Variants in ZNF799 observed in about 807,000 individuals in gnomAD.
ZNF799 encodes zinc finger protein 14.
Under a neutral mutation model 41.0 loss-of-function variants are expected in ZNF799, and 28 were observed. The observed-to-expected ratio is 0.68, with a 90% confidence interval of 0.51 to 0.94. ZNF799 has a LOEUF of 0.94. ZNF799 is among the 40% of genes least tolerant of loss of function. ZNF799 has a pLI of 0.00. For missense variants in ZNF799, 716 were observed against 764.3 expected (o/e 0.94, Z 0.74); for synonymous variants, 213 against 252.9 (o/e 0.84, Z 1.50).
chr19:12,396,740 A>C (rs1362484806), intron 1 of ZNF799, among the ~76,000 whole-genome samples: 2 of 124,582 alleles, frequency 1.6e-5, no homozygotes, highest in Admixed American at 8.2e-5. Context: ...TGTTCAAAAG[A>C]TGTGAGCAGC....
At chr19:12,397,821 GA>G (rs1285612351) in intron 1 of ZNF799, among the ~76,000 whole-genome samples, 1 of 151,582 alleles carries the variant, frequency 6.6e-6, no homozygotes, top group African/African-American at 2.4e-5. Context: ...TGACACAGTA[GA>G]AAAAAAACAA....
upstream of ZNF799, among the ~76,000 whole-genome samples, chr19:12,406,168 CAAAAAAAAAA>C (rs940819306): frequency 3.4e-5 from 2 of 58,988 alleles, no homozygotes; most frequent in Non-Finnish European, 7.5e-5. Context: ...GACTCTGTCT[CAAAAAAAAAA>C]AAAAAAAGAA....
chr19:12,390,749 T>C lies in ZNF799; in HGVS notation c.1649A>G (p.His550Arg). The C allele has an allele frequency of 6.2e-7, 1 of 1,614,120 alleles. No homozygotes were observed. The highest frequency in any genetic ancestry group is 8.5e-7 in the Non-Finnish European group (1 of 1,179,978). The change falls in exon 4 of 4, where the codon CAT becomes CGT. Residue 550 changes from histidine (H) to arginine (R), a missense_variant. Coordinates refer to ENST00000430385, the MANE Select transcript of ZNF799 (RefSeq NM_001080821.3). ...AFSWLTCFLR[H>R]ERIHMREKPY... ...TTTCTCTCTCATGTGAATTCTTTCA[T>C]GTCGTAGAAAGCAAGTGAGCCAAGA...
At chr19:12,410,632 CA>C in the ZNF799 span, among the ~76,000 whole-genome samples, 1 of 151,798 alleles carries the variant, frequency 6.6e-6, no homozygotes, top group Non-Finnish European at 1.5e-5. Context: ...AATGAAATTG[CA>C]AACAAGATAT....
At position 12,390,389 on chromosome 19, in the gene ZNF799, A is replaced by G. The variant is rs1464872483; in HGVS notation, c.*77T>C. On this transcript the variant is annotated 3_prime_UTR_variant, in exon 4 of 4. Coordinates refer to ENST00000430385, the MANE Select transcript of ZNF799 (RefSeq NM_001080821.3). The stretch of plus-strand genomic sequence containing the variant: ...CTTACATTCACAGGGTCTATCTCCA[A>G]TGTGTTTCGTACAAGTATCTGAAAT... The G allele has an allele frequency of 5.6e-6, 9 of 1,600,186 alleles. No individual in the cohort carries two copies. Among genetic ancestry groups the G allele is most frequent in the Middle Eastern group, 1.7e-4 (1 of 5,972 alleles).
At chr19:12,413,724 CT>C in the ZNF799 span, among the ~76,000 whole-genome samples, 1 of 152,194 alleles carries the variant, frequency 6.6e-6, no homozygotes, top group African/African-American at 2.4e-5. Context: ...AAGTTACCCC[CT>C]GGGGAAGGCT....
chr19:12,392,627 T>C lies in ZNF799; in HGVS notation c.167A>G (p.Tyr56Cys), dbSNP rs1969842062. The C allele has an allele frequency of 1.2e-6, 2 of 1,600,510 alleles. No homozygotes were observed. The highest frequency in any genetic ancestry group is 1.7e-6 in the Non-Finnish European group (2 of 1,168,710). ...CCTTAGATTTTTCCTGGGATATCTA[T>C]ATTGATCTTCAATGTTCTGGTCTTT... ...KWKDQNIEDQYRYPRKNLRCR... is the reference protein window; with the variant it reads ...KWKDQNIEDQCRYPRKNLRCR... Residue 56 changes from tyrosine to cysteine, a missense_variant, in exon 3 of 4, where the codon TAT (tyrosine) becomes TGT (cysteine). This residue lies in a region of ZNF799 where 698 missense variants were observed against 713.6 expected (regional missense o/e 0.98). Transcript: ENST00000430385.
At chr19:12,408,855 G>A in the ZNF799 span, among the ~76,000 whole-genome samples, 17 of 152,190 alleles carry the variant, frequency 1.1e-4, no homozygotes, top group South Asian at 4.2e-4. Flanking sequence ...CCAACATAGT[G>A]AAACCCCATC....
At chr19:12,392,825 T>C (rs1262443439) in intron 2 of ZNF799, among the ~76,000 whole-genome samples, 162 bp from the exon 3 acceptor site, 2 of 151,944 alleles carry the variant, frequency 1.3e-5, no homozygotes, top group African/African-American at 2.4e-5. Flanking sequence ...TGTATATACA[T>C]ATATATATGA....
chr19:12,403,554 C>CT (rs779716536), upstream of ZNF799, among the ~76,000 whole-genome samples: 922 of 144,296 alleles, frequency 6.4e-3, 6 homozygotes, highest in Middle Eastern at 0.018. Flanking sequence ...TCTTCTTCTT[C>CT]TTTTTTTTTT....
At chr19:12,402,415 TC>T (rs1452311731), upstream of ZNF799, among the ~76,000 whole-genome samples, 13 of 93,952 alleles carry the variant, frequency 1.4e-4, 1 homozygote, top group South Asian at 2.6e-3. Flanking sequence ...GCCCTTTATT[TC>T]TTTTTTTTTT....
chr19:12,407,265 G>T, the ZNF799 span, among the ~76,000 whole-genome samples: 2 of 151,256 alleles, frequency 1.3e-5, no homozygotes, highest in Non-Finnish European at 3.0e-5. Flanking sequence ...GGAGTTCAAG[G>T]CCAGCCTGGG....
chr19:12,399,538 C>T (rs1333720659), intron 1 of ZNF799, among the ~76,000 whole-genome samples: 1 of 150,564 alleles, frequency 6.6e-6, no homozygotes, highest in Admixed American at 6.6e-5. Flanking sequence ...GATCCAGTTG[C>T]TCCCCAGGGG....
In ZNF799 at chr19:12,390,649, A is replaced by G. The variant is rs1969793735; in HGVS notation, c.1749T>C (p.Thr583=). The G allele has an allele frequency of 1.9e-6, 3 of 1,613,896 alleles. No homozygotes were observed. Among genetic ancestry groups the G allele is most frequent in the Non-Finnish European group, 1.7e-6 (2 of 1,179,798 alleles). ...RFLQGHEKTH[T]GENPYECKEC... ...CCTTACATTCATACGGGTTCTCTCCAGTATGAGTTTTTTCATGTCCTTGAA... is the reference window on the plus strand; with the variant it reads ...CCTTACATTCATACGGGTTCTCTCCGGTATGAGTTTTTTCATGTCCTTGAA... Residue 583 remains threonine, a synonymous_variant, in exon 4 of 4, where the codon ACT becomes ACC. Coordinates refer to ENST00000430385, the MANE Select transcript of ZNF799 (RefSeq NM_001080821.3).
intron 1 of ZNF799, among the ~76,000 whole-genome samples, chr19:12,399,553 C>T (rs1969947100): frequency 6.7e-6 from 1 of 149,338 alleles, no homozygotes; most frequent in Non-Finnish European, 1.5e-5. Flanking sequence ...CAGGGGGCCA[C>T]ACCCCCCATC....
rs199800367 is a variant in ZNF799 at position 12,401,044 on chromosome 19, G to A, written c.3+24C>T. ...TTCCACCCAGCCCCTCCCCCGCCTC[G>A]GGACGCCGGCCCAGCACACGCACCA... On this transcript the variant is annotated intron_variant, in intron 1 of 3. Coordinates refer to ENST00000430385, the MANE Select transcript of ZNF799 (RefSeq NM_001080821.3). The A allele has an allele frequency of 4.0e-3, 6,414 of 1,613,956 alleles. 26 individuals carry two copies. Among genetic ancestry groups the A allele is most frequent in the Non-Finnish European group, 5.1e-3 (5,960 of 1,179,888 alleles).
At chr19:12,406,689 A>G in the ZNF799 span, among the ~76,000 whole-genome samples, 2 of 152,156 alleles carry the variant, frequency 1.3e-5, no homozygotes, top group African/African-American at 4.8e-5. Flanking sequence ...TCACGAGGTC[A>G]GGAGATCGAG....
chr19:12,411,512 G>T, the ZNF799 span, among the ~76,000 whole-genome samples: 1 of 152,058 alleles, frequency 6.6e-6, no homozygotes, highest in East Asian at 1.9e-4. Flanking sequence ...TCAATTTTCT[G>T]CTCATCATCT....
intron 1 of ZNF799, among the ~76,000 whole-genome samples, chr19:12,399,100 T>C (rs1484586342): frequency 6.6e-6 from 1 of 152,184 alleles, no homozygotes; most frequent in Non-Finnish European, 1.5e-5. Context: ...ATCAAAAATT[T>C]AGGCTGAAAA....
Sources: allele counts gnomAD v4.1 joint callset (sites outside exome capture counted in the v4.1 genomes callset), GRCh38; gene constraint gnomAD v4.1.1; regional missense constraint gnomAD v4.1.1; transcripts MANE v1.5; gene names NCBI Gene and HGNC (gene_info 2026-07-23, HGNC 2026-07-21).